The following SPAG17 variants were observed in gnomAD, a reference collection of about 807,000 sequenced individuals.
SPAG17 encodes sperm associated antigen 17, also known as sperm-associated antigen 17.
SPAG17 carries 169 observed loss-of-function variants against 273.6 expected under a neutral mutation model. The observed-to-expected ratio is 0.62, with a 90% CI of 0.55 to 0.70. The LOEUF (loss-of-function observed/expected upper bound fraction) is 0.70. SPAG17 is among the 30% of genes least tolerant of loss of function. The pLI is 0.00. For missense variants in SPAG17, 2,557 were observed against 2,627.8 expected, an observed-to-expected ratio of 0.97 and a Z score of 0.59; for synonymous variants, 825 against 873.2, an observed-to-expected ratio of 0.94 and a Z score of 0.97.
intron 34 of SPAG17, among the ~76,000 whole-genome samples, chr1:117,994,916 T>C (rs547246653): frequency 3.3e-5 from 5 of 152,242 alleles, no homozygotes; most frequent in African/African-American, 7.2e-5. Flanking sequence ...CACCTATATA[T>C]ACTCTGTGAA....
At chr1:117,994,384 C>T in intron 35 of SPAG17, 22 bp downstream of exon 35, 1 of 1,606,484 alleles carries the variant, frequency 6.2e-7, no homozygotes, top group Non-Finnish European at 8.5e-7. Flanking sequence ...AATAAAATGA[C>T]TTTTTAGAAG....
At chr1:118,175,750 A>G (rs1660668810) in intron 1 of SPAG17, among the ~76,000 whole-genome samples, 2 of 152,184 alleles carry the variant, frequency 1.3e-5, no homozygotes, top group African/African-American at 4.8e-5. Flanking sequence ...AAGAAAAAAA[A>G]CTAATGTGTA....
At chr1:118,094,352 C>A (rs1451818738) in intron 7 of SPAG17, among the ~76,000 whole-genome samples, 3 of 152,204 alleles carry the variant, frequency 2.0e-5, no homozygotes, top group Non-Finnish European at 4.4e-5. Context: ...CTAAGGACAA[C>A]AAATTATTTC....
At chr1:118,044,453 C>A (rs1650120303) in intron 20 of SPAG17, among the ~76,000 whole-genome samples, 1 of 151,886 alleles carries the variant, frequency 6.6e-6, no homozygotes, top group African/African-American at 2.4e-5. Flanking sequence ...CCACTGCACT[C>A]CAGCCTGGGC....
chr1:118,019,456 C>A, intron 28 of SPAG17, among the ~76,000 whole-genome samples: 1 of 151,032 alleles, frequency 6.6e-6, no homozygotes, highest in African/African-American at 2.4e-5. Flanking sequence ...AGAACCAAAG[C>A]ATAGAAGTAA....
rs761372115 is a variant in SPAG17 at position 118,185,086 on chromosome 1, A to T, written c.72T>A (p.Ala24=). 6.2e-7 allele frequency: 1 copy of T among 1,614,144 alleles called. No individual in the cohort carries two copies. The highest frequency in any genetic ancestry group is 8.5e-7 in the Non-Finnish European group (1 of 1,179,972). The change falls in exon 1 of 49, where the codon GCT becomes GCA. Residue 24 remains alanine (A), a synonymous_variant. Transcript: ENST00000336338. ...CAAGGCTCACCTGATTGAACTGTGCAGCTATGAGCGAGGGTTCCCATATCT... is the reference window on the plus strand; with the variant it reads ...CAAGGCTCACCTGATTGAACTGTGCTGCTATGAGCGAGGGTTCCCATATCT... The part of the protein sequence containing the change: ...SSKIWEPSLI[A]AQFNQNDWQA...
intron 35 of SPAG17, 21 bp from the exon 36 acceptor site, chr1:117,992,669 T>C (rs773810334): frequency 6.5e-6 from 10 of 1,543,368 alleles, no homozygotes; most frequent in Non-Finnish European, 7.8e-6. Context: ...AACAAAGCAA[T>C]AACACCACCA....
intron 3 of SPAG17, among the ~76,000 whole-genome samples, chr1:118,126,488 C>T (rs879434651): frequency 2.6e-5 from 4 of 151,938 alleles, no homozygotes; most frequent in Admixed American, 6.6e-5. Context: ...GCTGGGATTA[C>T]AGGTGTGAGC....
chr1:118,175,454 C>T (rs1660648563), intron 1 of SPAG17, among the ~76,000 whole-genome samples: 1 of 151,586 alleles, frequency 6.6e-6, no homozygotes, highest in African/African-American at 2.4e-5. Context: ...GGAGATGATC[C>T]TAAAAGCAGC....
intron 20 of SPAG17, among the ~76,000 whole-genome samples, chr1:118,051,392 A>T (rs1264298340): frequency 6.6e-6 from 1 of 152,092 alleles, no homozygotes; most frequent in Non-Finnish European, 1.5e-5. Context: ...ACTACTGGGT[A>T]TATATCTAAA....
At position 117,981,355 on chromosome 1, in the gene SPAG17, AG is replaced by A; in HGVS notation, c.5918del (p.Pro1973LeufsTer24). ...KVSEQKSSSV[P>X]SLPKPEISAD... ...CAGAAATCTCTGGTTTTGGAAGACTAGGCACACTTGAGGATTTCTGTTCTGA... is the reference window on the plus strand; with the variant it reads ...CAGAAATCTCTGGTTTTGGAAGACTAGCACACTTGAGGATTTCTGTTCTGA... On this transcript the variant is annotated frameshift_variant, in exon 43 of 49. Transcript: ENST00000336338. LOFTEE classifies it high-confidence loss of function. 11 of 1,604,042 alleles carry A rather than the reference AG, an allele frequency of 6.9e-6. No individual in the cohort carries two copies. The highest frequency in any genetic ancestry group is 9.3e-6 in the Non-Finnish European group (11 of 1,177,722).
In SPAG17 at chr1:118,034,246, C is replaced by T. The variant is rs1348388909; in HGVS notation, c.3434-2379G>A. Among the ~76,000 whole-genome samples the T allele has an allele frequency of 2.6e-5, 4 of 152,234 alleles. 1 individual carries two copies. The highest frequency in any genetic ancestry group is 2.6e-4 in the Admixed American group (4 of 15,290). Reference sequence around the variant, plus strand: ...TTTAGTGGGTAGTTCAGATTAGAACCCGTCAGGTACAATGCTGTGTGTTCA... The same window carrying T: ...TTTAGTGGGTAGTTCAGATTAGAACTCGTCAGGTACAATGCTGTGTGTTCA... On this transcript the variant is annotated intron_variant, in intron 24 of 48. Transcript: ENST00000336338.
chr1:118,073,193 C>G (rs1653771131), intron 17 of SPAG17, among the ~76,000 whole-genome samples: 1 of 152,156 alleles, frequency 6.6e-6, no homozygotes, highest in South Asian at 2.1e-4. Flanking sequence ...TTTGGGATTA[C>G]TTGTTATTTT....
Position 118,012,258 on chromosome 1 carries a change from G to C in SPAG17, c.4402C>G (p.Gln1468Glu). Residue 1468 changes from glutamine (Q) to glutamate (E), a missense_variant, in exon 30 of 49, where the codon CAA becomes GAA. Coordinates refer to ENST00000336338, the MANE Select transcript of SPAG17 (RefSeq NM_206996.4). ...ITTFYQVYEDQIILPDDQETT... is the reference protein window; with the variant it reads ...ITTFYQVYEDEIILPDDQETT... ...TCTTGATCATCTGGCAGAATAATTTGATCTTCATAAACTTGATAAAAGGTT... is the reference window on the plus strand; with the variant it reads ...TCTTGATCATCTGGCAGAATAATTTCATCTTCATAAACTTGATAAAAGGTT... 1.2e-6 allele frequency: 2 copies of C among 1,613,232 alleles called. No individual in the cohort carries two copies. The highest frequency in any genetic ancestry group is 1.7e-6 in the Non-Finnish European group (2 of 1,179,500).
chr1:117,996,352 A>G lies in SPAG17; in HGVS notation c.5053+18T>C. On this transcript the variant is annotated intron_variant, in intron 34 of 48. Transcript: ENST00000336338. ...GGCAAAGAGACACCGTGCATTCCAG[A>G]CAGTATGGGTCCTCTACCTGGCTGT... The G allele has an allele frequency of 6.2e-7, 1 of 1,602,682 alleles. No homozygotes were observed. Among genetic ancestry groups the G allele is most frequent in the South Asian group, 1.1e-5 (1 of 89,596 alleles).
At chr1:117,978,764 G>T (rs928990677) in intron 43 of SPAG17, among the ~76,000 whole-genome samples, 2 of 151,892 alleles carry the variant, frequency 1.3e-5, no homozygotes, top group Admixed American at 6.6e-5. Flanking sequence ...CCCTCACCTT[G>T]CAGGGGTGAG....
chr1:118,137,987 C>G (rs1434628317), intron 3 of SPAG17, among the ~76,000 whole-genome samples: 1 of 152,070 alleles, frequency 6.6e-6, no homozygotes, highest in Non-Finnish European at 1.5e-5. Context: ...GTATTTTCTC[C>G]CCCTCTAAGG....
intron 26 of SPAG17, 95 bp downstream of exon 26, chr1:118,028,179 G>T: frequency 7.3e-7 from 1 of 1,378,734 alleles, no homozygotes; most frequent in Non-Finnish European, 1.0e-6. Context: ...TTATCAACAA[G>T]ATGTATGTTT....
chr1:118,086,689 G>A lies in SPAG17; in HGVS notation c.1593C>T (p.His531=), dbSNP rs752450603. 1 of 1,614,126 alleles carries A rather than the reference G, an allele frequency of 6.2e-7. No individual in the cohort carries two copies. The highest frequency in any genetic ancestry group is 8.5e-7 in the Non-Finnish European group (1 of 1,179,990). ...LLLNYHDAHA[H]KKYALQDQKN... is the part of the protein sequence containing the mutation. ...TTATTACCTGTAGTGCGTACTTCTT[G>A]TGGGCGTGTGCATCATGATAGTTCA... Residue 531 remains histidine, a synonymous_variant, in exon 12 of 49, where the codon CAC becomes CAT. Transcript: ENST00000336338.
Sources: allele counts gnomAD v4.1 joint callset (sites outside exome capture counted in the v4.1 genomes callset), GRCh38; gene constraint gnomAD v4.1.1; transcripts MANE v1.5; gene names NCBI Gene and HGNC (gene_info 2026-07-23, HGNC 2026-07-21).